LRRFIP1: variants seen among roughly 807,000 people sequenced by gnomAD.
LRRFIP1 encodes LRR binding FLII interacting protein 1.
LRRFIP1 carries 62 observed loss-of-function variants against 104.4 expected under a neutral mutation model. The ratio of observed to expected loss-of-function variants is 0.59; its 90% confidence interval spans 0.48 to 0.73. LRRFIP1 has a LOEUF of 0.73. LRRFIP1 is among the 30% of genes least tolerant of loss of function. The pLI, the probability that LRRFIP1 is intolerant of heterozygous loss-of-function variation, is 0.00. For missense variants in LRRFIP1, 796 were observed against 824.5 expected (o/e 0.97, Z 0.42); for synonymous variants, 300 against 299.0 (o/e 1.00, Z -0.03).
chr2:237,642,421 AG>A (rs1336295346), intron 1 of LRRFIP1, among the ~76,000 whole-genome samples: 1 of 150,260 alleles, frequency 6.7e-6, no homozygotes, highest in Admixed American at 6.6e-5. Flanking sequence ...TTCCAGGCTA[AG>A]GGTTTCAGCT....
In LRRFIP1 at chr2:237,774,345, T is replaced by C. The variant is rs1192923961; in HGVS notation, c.1708-13T>C. 1.3e-6 allele frequency: 2 copies of C among 1,546,152 alleles called. No individual in the cohort carries two copies. Among genetic ancestry groups the C allele is most frequent in the Non-Finnish European group, 1.8e-6 (2 of 1,124,908 alleles). ...TATCAATTTATACATATGGTTTTTT[T>C]TCTACCTTTTAGGTAATAAGGTTAG... On this transcript the variant is annotated splice_polypyrimidine_tract_variant and intron_variant, in intron 22 of 23. Coordinates refer to ENST00000308482, the MANE Select transcript of LRRFIP1 (RefSeq NM_001137550.2).
chr2:237,779,268 C>T, intron 23 of LRRFIP1, 154 bp from the exon 24 acceptor site: 1 of 811,120 alleles, frequency 1.2e-6, no homozygotes, highest in Non-Finnish European at 1.5e-6. Flanking sequence ...TCTCTGGAGT[C>T]CAGTTGTTTC....
In LRRFIP1 at chr2:237,735,280, G is replaced by C; in HGVS notation, c.502G>C (p.Asp168His). 6.2e-7 allele frequency: 1 copy of C among 1,613,622 alleles called. No homozygotes were observed. Among genetic ancestry groups the C allele is most frequent in the Non-Finnish European group, 8.5e-7 (1 of 1,179,852 alleles). The change falls in exon 10 of 24, where the codon GAT becomes CAT. Residue 168 changes from aspartate to histidine, a missense_variant. By Grantham distance (81) the Asp-to-His change is moderately conservative (BLOSUM62 -1). Transcript: ENST00000308482. This position sits in a 1 kb window ranked among gnomAD's most constrained non-coding sequence, Gnocchi z 4.6. ...PSGSYRASVL[D>H]EGSFGGTRRG... is the part of the protein sequence containing the mutation. ...CTTTTGGTCGCAGGCGTCTGTGTTG[G>C]ATGAAGGCAGCTTCGGTGGGACCCG... is the stretch of plus-strand genomic sequence containing the variant.
rs1192923961 is a variant in LRRFIP1 at position 237,774,345 on chromosome 2, T to G, written c.1708-13T>G. 6.5e-7 allele frequency: 1 copy of G among 1,546,152 alleles called. No individual in the cohort carries two copies. Among genetic ancestry groups the G allele is most frequent in the Non-Finnish European group, 8.9e-7 (1 of 1,124,908 alleles). The stretch of plus-strand genomic sequence containing the variant: ...TATCAATTTATACATATGGTTTTTT[T>G]TCTACCTTTTAGGTAATAAGGTTAG... On this transcript the variant is annotated splice_polypyrimidine_tract_variant and intron_variant, in intron 22 of 23. Transcript: ENST00000308482.
intron 1 of LRRFIP1, among the ~76,000 whole-genome samples, chr2:237,630,985 C>G (rs2082266758): frequency 6.6e-6 from 1 of 152,220 alleles, no homozygotes; most frequent in African/African-American, 2.4e-5. Context: ...CTGCACCAAG[C>G]TCTTTGACAA....
intron 20 of LRRFIP1, among the ~76,000 whole-genome samples, chr2:237,771,368 G>C (rs1217375185): frequency 6.6e-6 from 1 of 151,156 alleles, no homozygotes; most frequent in African/African-American, 2.4e-5. Flanking sequence ...AATTTGCCCT[G>C]CACGGAGTCC....
Position 237,779,640 on chromosome 2 carries a change from G to A in LRRFIP1, c.*108G>A, listed in dbSNP as rs1269545587. On this transcript the variant is annotated 3_prime_UTR_variant, in exon 24 of 24. Transcript: ENST00000308482. The stretch of plus-strand genomic sequence containing the variant: ...CTTCTTCCCCTGCCTTCCGAGAGAC[G>A]AAGACCGTGGCGAGCTTGGCGCTTA... The A allele has an allele frequency of 8.0e-6, 8 of 1,001,730 alleles. No individual in the cohort carries two copies. The highest frequency in any genetic ancestry group is 2.9e-5 in the South Asian group (2 of 69,150). 62.1% of individuals were successfully genotyped at this position (1,001,730 alleles called of 1,614,324 possible).
chr2:237,760,007 AG>A, intron 18 of LRRFIP1, 56 bp from the exon 19 acceptor site: 3 of 1,515,632 alleles, frequency 2.0e-6, no homozygotes, highest in Non-Finnish European at 2.7e-6. Flanking sequence ...GTATTAAAAC[AG>A]AGTTTAACCT....
At chr2:237,740,325 A>G (rs951622959) in intron 11 of LRRFIP1, among the ~76,000 whole-genome samples, 2 of 151,492 alleles carry the variant, frequency 1.3e-5, no homozygotes, top group East Asian at 3.9e-4. Flanking sequence ...TTGAGGTGGG[A>G]GGATTGCTTG....
chr2:237,772,659 A>G, intron 21 of LRRFIP1: 1 of 590,478 alleles, frequency 1.7e-6, no homozygotes, highest in Non-Finnish European at 3.0e-6. Context: ...TCCTGCCCCA[A>G]GCACAGGGGC....
Position 237,631,759 on chromosome 2 carries a change from A to G in LRRFIP1, c.96+4019A>G, listed in dbSNP as rs193213612. Among the ~76,000 whole-genome samples the G allele has an allele frequency of 1.6e-3, 237 of 152,338 alleles. 1 individual carries two copies. The highest frequency in any genetic ancestry group is 5.5e-3 in the African/African-American group (228 of 41,582). On this transcript the variant is annotated intron_variant, in intron 1 of 23. Transcript: ENST00000308482. ...CCATGCAATTCAAAGTATTGCTCTC[A>G]AATGAAGAATGTTTTTCCCAACAGG...
intron 20 of LRRFIP1, chr2:237,770,586 G>A (rs2060531287): frequency 1.3e-5 from 2 of 152,660 alleles, no homozygotes; most frequent in South Asian, 4.1e-4. Context: ...TTGAGGTCAG[G>A]AGTTCAAGAG....
intron 14 of LRRFIP1, among the ~76,000 whole-genome samples, chr2:237,753,079 T>C (rs1362175437): frequency 2.0e-5 from 3 of 152,170 alleles, no homozygotes; most frequent in Non-Finnish European, 4.4e-5. Context: ...TTCTAATGAG[T>C]GTGTCCATTG....
chr2:237,727,948 A>C lies in LRRFIP1; in HGVS notation c.444+13A>C. The C allele has an allele frequency of 6.3e-7, 1 of 1,586,794 alleles. No individual in the cohort carries two copies. The highest frequency in any genetic ancestry group is 8.6e-7 in the Non-Finnish European group (1 of 1,165,474). On this transcript the variant is annotated intron_variant, in intron 8 of 23. Coordinates refer to ENST00000308482, the MANE Select transcript of LRRFIP1 (RefSeq NM_001137550.2). ...AAGATCTGGCAGGGTTAGTATAGTAAATTTGCATGGCTCAAAATTCAAATA... is the reference window on the plus strand; with the variant it reads ...AAGATCTGGCAGGGTTAGTATAGTACATTTGCATGGCTCAAAATTCAAATA...
At chr2:237,747,783 A>G (rs1441666630) in intron 11 of LRRFIP1, among the ~76,000 whole-genome samples, 2 of 152,154 alleles carry the variant, frequency 1.3e-5, no homozygotes, top group Admixed American at 1.3e-4. Flanking sequence ...GAGAGTTTTT[A>G]GACAAACTCA....
chr2:237,685,200 G>A (rs1350801275), intron 1 of LRRFIP1, among the ~76,000 whole-genome samples: 4 of 151,202 alleles, frequency 2.6e-5, no homozygotes, highest in Non-Finnish European at 5.9e-5. Flanking sequence ...CTTGGCTACT[G>A]TGTATAGAGG....
At chr2:237,664,289 C>A (rs1051182603) in intron 1 of LRRFIP1, among the ~76,000 whole-genome samples, 2 of 152,260 alleles carry the variant, frequency 1.3e-5, no homozygotes, top group African/African-American at 4.8e-5. Context: ...AGGCCGGCGG[C>A]GTTCTCCACT....
chr2:237,737,429 C>A (rs2095285629), intron 10 of LRRFIP1, among the ~76,000 whole-genome samples: 1 of 152,200 alleles, frequency 6.6e-6, no homozygotes, highest in Admixed American at 6.5e-5. Flanking sequence ...CCACATAACT[C>A]CTAAACATAA....
At chr2:237,634,651 G>T (rs933312662) in intron 1 of LRRFIP1, among the ~76,000 whole-genome samples, 12 of 152,212 alleles carry the variant, frequency 7.9e-5, no homozygotes, top group African/African-American at 2.9e-4. Context: ...TGCTGGTGAT[G>T]ATGATGATCT....
Sources: gnomAD v4.1 joint callset for allele counts (sites outside exome capture counted in the v4.1 genomes callset) on GRCh38, gnomAD v4.1.1 for gene constraint, Gnocchi (gnomAD v3.1) non-coding constraint, MANE v1.5 for transcripts, NCBI Gene and HGNC (gene_info 2026-07-23, HGNC 2026-07-21) for gene names.